SERTAD2: variants seen among roughly 807,000 people sequenced by gnomAD.
SERTAD2 encodes the protein SERTA domain containing 2.
In SERTAD2, 2 loss-of-function variants were observed where a neutral mutation model predicts 15.4. The ratio of observed to expected loss-of-function variants is 0.13; its 90% CI spans 0.05 to 0.41. SERTAD2 has a LOEUF of 0.41. Ranked by LOEUF, SERTAD2 falls within the 10% of genes least tolerant of loss-of-function variation. SERTAD2 has a pLI of 0.99. For synonymous variants in SERTAD2, 180 were observed against 178.0 expected (o/e 1.01, Z -0.09); for missense variants, 333 against 409.7 (o/e 0.81, Z 1.62).
intron 1 of SERTAD2, among the ~76,000 whole-genome samples, chr2:64,642,840 C>A (rs1025666007): frequency 6.6e-6 from 1 of 152,232 alleles, no homozygotes; most frequent in Non-Finnish European, 1.5e-5. Flanking sequence ...AAAGTCTTCA[C>A]AGATGTAAAA....
rs1674667164 is a variant in SERTAD2 at position 64,636,622 on chromosome 2, G to A, written c.250C>T (p.Pro84Ser). The stretch of plus-strand genomic sequence containing the variant: ...GGCTGGGAGGAGGGGGTGAACATGG[G>A]CCTCAGGCTGCCTTCCTGTTTGAGT... ...EELKQEGSLR[P>S]MFTPSSQPTT... is the part of the protein sequence containing the mutation. Residue 84 changes from proline to serine, a missense_variant, in exon 2 of 2, where the codon CCC becomes TCC. Pro to Ser is a moderately conservative substitution (Grantham distance 74). Coordinates refer to ENST00000313349, the MANE Select transcript of SERTAD2 (RefSeq NM_014755.3). The A allele has an allele frequency of 6.2e-7, 1 of 1,613,192 alleles. No homozygotes were observed. Among genetic ancestry groups the A allele is most frequent in the African/African-American group, 1.3e-5 (1 of 74,892 alleles).
In SERTAD2 at chr2:64,636,452, A is replaced by G; in HGVS notation, c.420T>C (p.Asp140=). ...TGGCCTGGGAGGTGCAAAACGTGTC[A>G]TCGTCGTCCTCGAGCAGTGAGGCCG... ...LTPASLLEDD[D]DTFCTSQAMQ... is the part of the protein sequence containing the mutation. The change falls in exon 2 of 2, where the codon GAT becomes GAC. Residue 140 remains aspartate (D), a synonymous_variant. Coordinates refer to ENST00000313349, the MANE Select transcript of SERTAD2 (RefSeq NM_014755.3). The G allele has an allele frequency of 1.9e-6, 3 of 1,614,128 alleles. No individual in the cohort carries two copies. Among genetic ancestry groups the G allele is most frequent in the Non-Finnish European group, 2.5e-6 (3 of 1,180,022 alleles).
At chr2:64,643,127 T>C (rs1035311566) in intron 1 of SERTAD2, among the ~76,000 whole-genome samples, 6 of 152,192 alleles carry the variant, frequency 3.9e-5, no homozygotes, top group African/African-American at 1.4e-4. Context: ...GGCACCACCC[T>C]GACCTGGTGC....
chr2:64,641,709 A>C (rs941213347), intron 1 of SERTAD2, among the ~76,000 whole-genome samples: 3 of 152,076 alleles, frequency 2.0e-5, no homozygotes, highest in African/African-American at 7.2e-5. Context: ...GAGGAATGGG[A>C]GGGTTGCACA....
intron 1 of SERTAD2, among the ~76,000 whole-genome samples, chr2:64,651,906 G>C (rs1363728309): frequency 6.6e-6 from 1 of 152,072 alleles, no homozygotes. Flanking sequence ...GAAAAAGGGG[G>C]TTGGGGGATG....
chr2:64,638,669 T>C (rs1166824731), intron 1 of SERTAD2, among the ~76,000 whole-genome samples: 1 of 148,646 alleles, frequency 6.7e-6, no homozygotes, highest in African/African-American at 2.5e-5. Context: ...GCATGAAACA[T>C]TTCCCCTCAT....
intron 1 of SERTAD2, among the ~76,000 whole-genome samples, chr2:64,639,529 G>A (rs1674726023): frequency 6.6e-6 from 1 of 152,150 alleles, no homozygotes; most frequent in African/African-American, 2.4e-5. Context: ...CTAGCTTATT[G>A]CCACTGTGGA....
Position 64,632,053 on chromosome 2 carries a change from A to G in SERTAD2, c.*3874T>C, listed in dbSNP as rs1479145871. On this transcript the variant is annotated 3_prime_UTR_variant, in exon 2 of 2. Transcript: ENST00000313349. ...GAAACACTGAAAACAATTGTACATA[A>G]GCAGGATGCACACAACTCCATGCCT... 1 of 152,682 alleles carries G rather than the reference A, an allele frequency of 6.5e-6. No individual in the cohort carries two copies. The highest frequency in any genetic ancestry group is 1.9e-4 in the East Asian group (1 of 5,200). 9.5% of individuals were successfully genotyped at this position (152,682 alleles called of 1,614,324 possible). A position where few individuals can be genotyped will look rare whatever the true frequency, so the allele number is the denominator to read the frequency against.
At chr2:64,640,277 C>T (rs1272393050) in intron 1 of SERTAD2, among the ~76,000 whole-genome samples, 1 of 152,132 alleles carries the variant, frequency 6.6e-6, no homozygotes, top group East Asian at 1.9e-4. Flanking sequence ...AGGGGGAGGG[C>T]AGTGGGAACT....
intron 1 of SERTAD2, among the ~76,000 whole-genome samples, chr2:64,639,930 AGGGCTC>A (rs1302636307): frequency 6.6e-6 from 1 of 152,058 alleles, no homozygotes; most frequent in Non-Finnish European, 1.5e-5. Flanking sequence ...GGGAGGGCAG[AGGGCTC>A]GGTAAGCAAA....
Position 64,635,143 on chromosome 2 carries a change from T to G in SERTAD2, c.*784A>C, listed in dbSNP as rs1409710639. The G allele has an allele frequency of 6.5e-6, 1 of 152,692 alleles. No individual in the cohort carries two copies. The highest frequency in any genetic ancestry group is 1.5e-5 in the Non-Finnish European group (1 of 68,068). The allele number at this position is 152,692 out of a possible 1,614,324, so 9.5% of individuals were successfully genotyped here. On this transcript the variant is annotated 3_prime_UTR_variant, in exon 2 of 2. Coordinates refer to ENST00000313349, the MANE Select transcript of SERTAD2 (RefSeq NM_014755.3). ...GTGTGTTTATGGGTGTGTGCATGTG[T>G]GTGCCTGTGTTTGCATTTGGGGACA...
chr2:64,640,657 G>A (rs1371686820), intron 1 of SERTAD2, among the ~76,000 whole-genome samples: 2 of 152,070 alleles, frequency 1.3e-5, no homozygotes, highest in Admixed American at 1.3e-4. Context: ...GGGGGGGCCT[G>A]GAGTTCACGA....
At chr2:64,637,667 G>A (rs569890403) in intron 1 of SERTAD2, among the ~76,000 whole-genome samples, 5 of 152,280 alleles carry the variant, frequency 3.3e-5, no homozygotes, top group African/African-American at 7.2e-5. Context: ...TTGGGTACTC[G>A]AGACATTTCC....
At chr2:64,643,819 T>C (rs929945663) in intron 1 of SERTAD2, among the ~76,000 whole-genome samples, 6 of 151,992 alleles carry the variant, frequency 3.9e-5, no homozygotes, top group African/African-American at 1.5e-4. Context: ...TGAGCCGAGA[T>C]CGCGCCACTG....
At chr2:64,636,950 T>A in intron 1 of SERTAD2, 75 bp from the exon 2 acceptor site, 1 of 1,099,194 alleles carries the variant, frequency 9.1e-7, no homozygotes, top group Non-Finnish European at 1.3e-6. Context: ...GAGACTGATT[T>A]AGAGGGCAGG....
chr2:64,653,194 G>C (rs1394600928), intron 1 of SERTAD2, among the ~76,000 whole-genome samples: 1 of 152,142 alleles, frequency 6.6e-6, no homozygotes, highest in Non-Finnish European at 1.5e-5. Context: ...CCCGGCCACG[G>C]AACTCAAAAG....
At chr2:64,638,859 A>T (rs979381424) in intron 1 of SERTAD2, among the ~76,000 whole-genome samples, 1 of 152,256 alleles carries the variant, frequency 6.6e-6, no homozygotes, top group African/African-American at 2.4e-5. Flanking sequence ...TACTTTGCAT[A>T]GAACATTTCC....
rs1675064997 is a variant in SERTAD2, at chr2:64,653,652, A to T, written c.-37T>A. The T allele has an allele frequency of 6.6e-6, 1 of 152,214 alleles. No homozygotes were observed. The highest frequency in any genetic ancestry group is 2.4e-5 in the African/African-American group (1 of 41,424). The allele number at this position is 152,214 out of a possible 1,614,324, so 9.4% of individuals were successfully genotyped here. On this transcript the variant is annotated 5_prime_UTR_variant, in exon 1 of 2. Transcript: ENST00000313349. Reference sequence around the variant, plus strand: ...AGCTCCACCTGGGAACTAACGCATCAGGAGGGGTTTCCGCCCACTCCTCAG... The same window carrying T: ...AGCTCCACCTGGGAACTAACGCATCTGGAGGGGTTTCCGCCCACTCCTCAG...
chr2:64,648,101 C>G (rs1041128141), intron 1 of SERTAD2, among the ~76,000 whole-genome samples: 1 of 152,130 alleles, frequency 6.6e-6, no homozygotes, highest in Non-Finnish European at 1.5e-5. Context: ...CTTGGATTCC[C>G]TAGAGAACAA....
Sources: allele counts gnomAD v4.1 joint callset (sites outside exome capture counted in the v4.1 genomes callset), GRCh38; gene constraint gnomAD v4.1.1; transcripts MANE v1.5; gene names NCBI Gene and HGNC (gene_info 2026-07-23, HGNC 2026-07-21).